The following ANO3 variants were observed in gnomAD, a reference collection of about 807,000 sequenced individuals.
The protein encoded by ANO3 is anoctamin-3.
ANO3 carries 99 observed loss-of-function variants against 144.8 expected under a neutral mutation model. That is an observed-to-expected ratio of 0.68 (90% CI 0.58 to 0.81). ANO3 has a LOEUF of 0.81. ANO3 is among the 30% of genes least tolerant of loss of function. ANO3 has a pLI of 0.00. For missense variants in ANO3, 905 were observed against 1,202.2 expected, an observed-to-expected ratio of 0.75 and a Z score of 3.66; for synonymous variants, 414 against 392.6, an observed-to-expected ratio of 1.05 and a Z score of -0.64.
chr11:26,411,896 T>C (rs1397290253), intron 1 of ANO3, among the ~76,000 whole-genome samples: 1 of 151,968 alleles, frequency 6.6e-6, no homozygotes, highest in Non-Finnish European at 1.5e-5. Flanking sequence ...CTCCATATCT[T>C]CCATTTTTCT....
intron 1 of ANO3, among the ~76,000 whole-genome samples, chr11:26,237,863 G>C (rs1199768812): frequency 6.6e-6 from 1 of 151,916 alleles, no homozygotes; most frequent in Non-Finnish European, 1.5e-5. Flanking sequence ...TCTTTACATA[G>C]ACATTCTGCT....
chr11:26,524,786 C>T (rs1489163190), intron 6 of ANO3, among the ~76,000 whole-genome samples: 4 of 152,138 alleles, frequency 2.6e-5, no homozygotes, highest in Non-Finnish European at 5.9e-5. Context: ...TCATCTGTGC[C>T]TTGTTTACCA....
chr11:26,236,383 T>C (rs1025044344), intron 1 of ANO3, among the ~76,000 whole-genome samples: 2 of 152,024 alleles, frequency 1.3e-5, no homozygotes, highest in Non-Finnish European at 2.9e-5. Context: ...ATACTATACT[T>C]CAAGCAATCT....
intron 1 of ANO3, among the ~76,000 whole-genome samples, chr11:26,424,658 G>C (rs1414458939): frequency 6.6e-6 from 1 of 152,020 alleles, no homozygotes; most frequent in African/African-American, 2.4e-5. Context: ...ATAGAAAGCT[G>C]ATCACTTAAT....
At chr11:26,552,442 T>C (rs777434879) in intron 12 of ANO3, among the ~76,000 whole-genome samples, 15 of 152,056 alleles carry the variant, frequency 9.9e-5, no homozygotes, top group Non-Finnish European at 1.8e-4. Context: ...TCAACATTTC[T>C]AGAGAAGAGT....
intron 1 of ANO3, among the ~76,000 whole-genome samples, chr11:26,422,359 GC>G (rs1857777512): frequency 6.6e-6 from 1 of 151,988 alleles, no homozygotes; most frequent in Non-Finnish European, 1.5e-5. Flanking sequence ...CTGAATAGCA[GC>G]TTCTCCTCCT....
At chr11:26,333,758 G>A (rs908381550) in intron 1 of ANO3, among the ~76,000 whole-genome samples, 1 of 152,224 alleles carries the variant, frequency 6.6e-6, no homozygotes, top group African/African-American at 2.4e-5. Context: ...AATTGGGAGT[G>A]ATGTGTGAGA....
chr11:26,578,373 T>C (rs865790771), intron 14 of ANO3, among the ~76,000 whole-genome samples: 1 of 152,246 alleles, frequency 6.6e-6, no homozygotes, highest in Non-Finnish European at 1.5e-5. Flanking sequence ...GCAGTACGTA[T>C]TGACATAGGA....
intron 1 of ANO3, among the ~76,000 whole-genome samples, chr11:26,422,007 A>C (rs1007320807): frequency 6.6e-6 from 1 of 152,042 alleles, no homozygotes; most frequent in African/African-American, 2.4e-5. Flanking sequence ...TACTAGGCTT[A>C]ATAGCTGGGT....
chr11:26,262,032 T>A (rs186181621), intron 1 of ANO3, among the ~76,000 whole-genome samples: 32 of 152,350 alleles, frequency 2.1e-4, no homozygotes, highest in African/African-American at 7.0e-4. Flanking sequence ...TCGTCTGTGA[T>A]AGCAGGTGCT....
chr11:26,507,933 T>G (rs1406533218), intron 4 of ANO3, among the ~76,000 whole-genome samples, 171 bp from the exon 5 acceptor site: 1 of 152,200 alleles, frequency 6.6e-6, no homozygotes, highest in Non-Finnish European at 1.5e-5. Flanking sequence ...CTAATGTGGC[T>G]CCTATAGTAG....
intron 1 of ANO3, chr11:26,208,022 A>G (rs67805620): frequency 0.3 from 45,972 of 151,994 alleles, 7,702 homozygotes; most frequent in Non-Finnish European, 0.37. Flanking sequence ...AGTGTCTAAT[A>G]AGGGCCCATT....
At chr11:26,292,472 C>T (rs1442206212) in intron 1 of ANO3, among the ~76,000 whole-genome samples, 2 of 152,114 alleles carry the variant, frequency 1.3e-5, no homozygotes, top group East Asian at 3.9e-4. Context: ...GAGGTGCGAT[C>T]CTTTGGAGGA....
chr11:26,592,245 C>A (rs189487346), intron 14 of ANO3, among the ~76,000 whole-genome samples: 2 of 151,924 alleles, frequency 1.3e-5, no homozygotes, highest in Non-Finnish European at 2.9e-5. Flanking sequence ...GCAGGCCATG[C>A]GAGGTGGGTT....
intron 6 of ANO3, among the ~76,000 whole-genome samples, chr11:26,518,359 C>T (rs1861939515): frequency 6.6e-6 from 1 of 151,984 alleles, no homozygotes; most frequent in Non-Finnish European, 1.5e-5. Context: ...TGTGCATATT[C>T]ATGTTATACA....
intron 1 of ANO3, among the ~76,000 whole-genome samples, chr11:26,366,161 C>T (rs1856076855): frequency 6.6e-6 from 1 of 151,846 alleles, no homozygotes; most frequent in East Asian, 1.9e-4. Flanking sequence ...CACCCCACAA[C>T]AGGCTCCGGT....
In ANO3 at chr11:26,332,142, G is replaced by C. The variant is rs1855063501; in HGVS notation, c.-134G>C. On this transcript the variant is annotated 5_prime_UTR_variant, in exon 1 of 27. Transcript: ENST00000256737. ...GGGCGCGTAGCCTGGAGAGCGAAGT[G>C]CCGGCTACAGCAGGTGTCGGATTGC... 1 of 1,542,814 alleles carries C rather than the reference G, an allele frequency of 6.5e-7. No homozygotes were observed. The highest frequency in any genetic ancestry group is 1.4e-5 in the African/African-American group (1 of 73,014).
intron 1 of ANO3, among the ~76,000 whole-genome samples, chr11:26,289,137 A>G (rs1442498496): frequency 6.6e-6 from 1 of 152,080 alleles, no homozygotes; most frequent in African/African-American, 2.4e-5. Context: ...TTTATCTCTT[A>G]ATATAAATTG....
chr11:26,242,727 C>T (rs553112604), intron 1 of ANO3, among the ~76,000 whole-genome samples: 1 of 152,138 alleles, frequency 6.6e-6, no homozygotes, highest in African/African-American at 2.4e-5. Flanking sequence ...AAGTTAGTTA[C>T]ACAATCTGAT....
Sources: allele counts gnomAD v4.1 joint callset (sites outside exome capture counted in the v4.1 genomes callset), GRCh38; gene constraint gnomAD v4.1.1; transcripts MANE v1.5; gene names NCBI Gene and HGNC (gene_info 2026-07-23, HGNC 2026-07-21).